FMN1: variants seen among roughly 807,000 people sequenced by gnomAD.
The protein encoded by FMN1 is formin-1.
Under a neutral mutation model 132.4 loss-of-function variants are expected in FMN1, and 110 were observed. That is an observed-to-expected ratio of 0.83 (90% CI 0.71 to 0.97). FMN1 has a LOEUF of 0.97. Among genes scored for constraint, FMN1 ranks in the 50% least tolerant of loss-of-function variants. The pLI is 0.00. For missense variants in FMN1, 1,792 were observed against 1,705.3 expected (o/e 1.05, Z -0.90); for synonymous variants, 722 against 651.7 (o/e 1.11, Z -1.64).
chr15:33,035,650 A>G (rs2036156574), intron 6 of FMN1, among the ~76,000 whole-genome samples: 1 of 152,148 alleles, frequency 6.6e-6, no homozygotes, highest in Non-Finnish European at 1.5e-5. Flanking sequence ...CATCCTATTT[A>G]AAACTGCAAC....
At chr15:32,878,000 A>C (rs1052370944) in intron 16 of FMN1, among the ~76,000 whole-genome samples, 2 of 146,726 alleles carry the variant, frequency 1.4e-5, no homozygotes. Flanking sequence ...GAAAATTTAC[A>C]AACAAATAAA....
chr15:32,780,088 A>T (rs750814280), intron 19 of FMN1, among the ~76,000 whole-genome samples: 3 of 152,194 alleles, frequency 2.0e-5, no homozygotes, highest in Non-Finnish European at 2.9e-5. Flanking sequence ...TTTCCTAAAA[A>T]ACATGACAGT....
At chr15:33,051,042 A>C (rs891212997) in intron 6 of FMN1, among the ~76,000 whole-genome samples, 4 of 152,232 alleles carry the variant, frequency 2.6e-5, no homozygotes, top group Admixed American at 6.5e-5. Context: ...GTGCATATAC[A>C]AGTGTGTGAG....
chr15:32,831,284 T>TCTCGGCTACTGCAACCTCCAC (rs2058495094), intron 17 of FMN1, among the ~76,000 whole-genome samples: 1 of 152,082 alleles, frequency 6.6e-6, no homozygotes, highest in African/African-American at 2.4e-5. Context: ...AGTGGTATGA[T>TCTCGGCTACTGCAACCTCCAC]CTCGGCTACT....
At chr15:32,815,660 A>G (rs577221854) in intron 17 of FMN1, among the ~76,000 whole-genome samples, 4 of 152,328 alleles carry the variant, frequency 2.6e-5, no homozygotes, top group African/African-American at 4.8e-5. Context: ...CACGTACTGG[A>G]GTGTGTCCCC....
At chr15:33,178,607 C>A (rs2140336016) in intron 3 of FMN1, among the ~76,000 whole-genome samples, 1 of 152,322 alleles carries the variant, frequency 6.6e-6, no homozygotes, top group South Asian at 2.1e-4. Context: ...GACTATACTG[C>A]CTCGGTTAAA....
intron 19 of FMN1, among the ~76,000 whole-genome samples, chr15:32,793,472 G>A (rs1234054758): frequency 2.6e-5 from 4 of 152,046 alleles, no homozygotes; most frequent in African/African-American, 9.7e-5. Context: ...GTAGAGATGA[G>A]GTTTCACCAT....
intron 7 of FMN1, among the ~76,000 whole-genome samples, chr15:32,976,327 C>T (rs1052314840): frequency 3.9e-5 from 6 of 151,994 alleles, no homozygotes; most frequent in Admixed American, 2.0e-4. Context: ...CAAAATGCCT[C>T]GAAGGAATGG....
chr15:32,778,504 G>C (rs1320607951), intron 19 of FMN1, among the ~76,000 whole-genome samples: 1 of 151,912 alleles, frequency 6.6e-6, no homozygotes, highest in Non-Finnish European at 1.5e-5. Context: ...GATTTGAATA[G>C]ACATTTCTCC....
chr15:32,956,372 T>TTAA (rs777952851), intron 9 of FMN1, among the ~76,000 whole-genome samples: 2 of 150,914 alleles, frequency 1.3e-5, no homozygotes, highest in Non-Finnish European at 3.0e-5. Flanking sequence ...TTTTTTTTTT[T>TTAA]AAAAAAATAA....
At chr15:32,975,938 T>C (rs768299077) in intron 7 of FMN1, among the ~76,000 whole-genome samples, 1 of 152,066 alleles carries the variant, frequency 6.6e-6, no homozygotes, top group Admixed American at 6.6e-5. Context: ...GAACACACTG[T>C]ACTAAAACCC....
chr15:32,803,085 A>G (rs1309185844), intron 18 of FMN1, among the ~76,000 whole-genome samples: 4 of 152,212 alleles, frequency 2.6e-5, no homozygotes, highest in Non-Finnish European at 4.4e-5. Flanking sequence ...GGCACCGTCT[A>G]TGGGATTTCA....
intron 16 of FMN1, among the ~76,000 whole-genome samples, chr15:32,870,513 G>A (rs1014633725): frequency 6.6e-6 from 1 of 152,162 alleles, no homozygotes. Context: ...ATGCTAGTGC[G>A]CTTTAGGACT....
At chr15:32,889,518 T>C (rs543182222) in intron 15 of FMN1, among the ~76,000 whole-genome samples, 17 of 152,034 alleles carry the variant, frequency 1.1e-4, no homozygotes, top group Non-Finnish European at 2.1e-4. Context: ...ATTTTTACCT[T>C]CCCCCTATCT....
intron 17 of FMN1, among the ~76,000 whole-genome samples, chr15:32,811,611 G>A (rs2057880498): frequency 6.6e-6 from 1 of 150,980 alleles, no homozygotes; most frequent in Non-Finnish European, 1.5e-5. Context: ...GTGCTATCCT[G>A]GATCCTCTTA....
intron 4 of FMN1, among the ~76,000 whole-genome samples, chr15:33,128,392 G>C (rs1472791397): frequency 6.6e-6 from 1 of 152,068 alleles, no homozygotes; most frequent in Non-Finnish European, 1.5e-5. Flanking sequence ...AACTCCAACT[G>C]CCCGCCATTT....
intron 5 of FMN1, chr15:33,067,029 C>G (rs1265042703): frequency 6.2e-7 from 1 of 1,613,998 alleles, no homozygotes; most frequent in Non-Finnish European, 8.5e-7. Flanking sequence ...GCGGTAGCCC[C>G]CTTCTTCAGC....
intron 6 of FMN1, among the ~76,000 whole-genome samples, chr15:33,027,327 A>AT (rs2035725905): frequency 6.6e-6 from 1 of 152,184 alleles, no homozygotes; most frequent in Admixed American, 6.5e-5. Context: ...ATAATAACAG[A>AT]TAATTTTTTA....
intron 9 of FMN1, among the ~76,000 whole-genome samples, chr15:32,942,430 T>G (rs1402592439): frequency 1.3e-5 from 2 of 152,202 alleles, no homozygotes; most frequent in African/African-American, 4.8e-5. Context: ...CTGTACACTG[T>G]ATATCTTCGG....
Sources: gnomAD v4.1 joint callset for allele counts (sites outside exome capture counted in the v4.1 genomes callset) on GRCh38, gnomAD v4.1.1 for gene constraint, MANE v1.5 for transcripts, NCBI Gene and HGNC (gene_info 2026-07-23, HGNC 2026-07-21) for gene names.